Variants in ARHGAP42 observed in about 807,000 individuals in gnomAD.
ARHGAP42 encodes Rho GTPase activating protein 42, also known as rho GTPase-activating protein 42.
ARHGAP42 carries 63 observed loss-of-function variants against 125.0 expected under a neutral mutation model. The ratio of observed to expected loss-of-function variants is 0.50; its 90% CI spans 0.41 to 0.62. The LOEUF is 0.62. Among genes scored for constraint, ARHGAP42 ranks in the 20% least tolerant of loss-of-function variants. ARHGAP42 has a pLI of 0.00. For missense variants in ARHGAP42, 766 were observed against 1,024.2 expected (o/e 0.75, Z 3.44); for synonymous variants, 339 against 351.0 (o/e 0.97, Z 0.38).
At chr11:100,740,066 A>ATTTTTTTT (rs34223817) in intron 1 of ARHGAP42, among the ~76,000 whole-genome samples, 1 of 143,440 alleles carries the variant, frequency 7.0e-6, no homozygotes, top group African/African-American at 2.6e-5. Flanking sequence ...TATTAGTACA[A>ATTTTTTTT]TTTTTTTTTT....
intron 3 of ARHGAP42, among the ~76,000 whole-genome samples, chr11:100,836,953 G>GT (rs200517397): frequency 0.013 from 2,002 of 151,842 alleles, 18 homozygotes; most frequent in Middle Eastern, 0.041. Context: ...AATATTTTTG[G>GT]TTTTGGAAGC....
At chr11:100,849,169 T>C (rs1449237503) in intron 3 of ARHGAP42, among the ~76,000 whole-genome samples, 1 of 152,200 alleles carries the variant, frequency 6.6e-6, no homozygotes, top group Non-Finnish European at 1.5e-5. Context: ...AGTGTAATTT[T>C]TTTAATGTTG....
chr11:100,863,945 A>C (rs977811399), intron 4 of ARHGAP42, among the ~76,000 whole-genome samples: 3 of 152,186 alleles, frequency 2.0e-5, no homozygotes, highest in African/African-American at 7.2e-5. Flanking sequence ...CATTATGCAA[A>C]AGTAATGGCA....
At chr11:100,725,312 A>G (rs1434682519) in intron 1 of ARHGAP42, among the ~76,000 whole-genome samples, 2 of 151,740 alleles carry the variant, frequency 1.3e-5, no homozygotes, top group Non-Finnish European at 2.9e-5. Flanking sequence ...CTGGGATTAC[A>G]GGCGCACACC....
At chr11:100,967,997 C>A (rs1221628634) in intron 17 of ARHGAP42, among the ~76,000 whole-genome samples, 1 of 152,210 alleles carries the variant, frequency 6.6e-6, no homozygotes, top group Non-Finnish European at 1.5e-5. Flanking sequence ...ACTGGGATTA[C>A]AGGCATGAGC....
intron 21 of ARHGAP42, among the ~76,000 whole-genome samples, chr11:100,977,919 A>G (rs143863372): frequency 1.4e-4 from 21 of 152,298 alleles, no homozygotes; most frequent in Non-Finnish European, 1.6e-4. Flanking sequence ...GCCTGTTTCT[A>G]TAGGAACTGT....
intron 5 of ARHGAP42, among the ~76,000 whole-genome samples, chr11:100,917,835 T>C (rs1591293860): frequency 6.6e-6 from 1 of 152,118 alleles, no homozygotes; most frequent in African/African-American, 2.4e-5. Flanking sequence ...GCCTCCCAAA[T>C]TGCTGGGATT....
At chr11:100,691,813 C>T (rs61472500) in intron 1 of ARHGAP42, among the ~76,000 whole-genome samples, 41,919 of 152,056 alleles carry the variant, frequency 0.28, 6,079 homozygotes, top group African/African-American at 0.31. Flanking sequence ...TGTGAGCCAC[C>T]ATATCCAGTG....
At chr11:100,738,697 T>C (rs1476174957) in intron 1 of ARHGAP42, among the ~76,000 whole-genome samples, 3 of 152,242 alleles carry the variant, frequency 2.0e-5, no homozygotes, top group African/African-American at 7.2e-5. Flanking sequence ...AGAAGTACTA[T>C]TGCTGCTGAC....
chr11:100,986,170 A>C, intron 22 of ARHGAP42: 1 of 451,324 alleles, frequency 2.2e-6, no homozygotes, highest in South Asian at 1.6e-5. Flanking sequence ...CAATAATAAC[A>C]AAATACCAGA....
Position 100,840,876 on chromosome 11 carries a change from A to G in ARHGAP42, c.313-18678A>G, listed in dbSNP as rs180800461. Among the ~76,000 whole-genome samples the G allele has an allele frequency of 6.0e-4, 91 of 152,296 alleles. 1 individual carries two copies. Among genetic ancestry groups the G allele is most frequent in the East Asian group, 4.1e-3 (21 of 5,176 alleles). On this transcript the variant is annotated intron_variant, in intron 3 of 23. Transcript: ENST00000298815. ...TTACTTCAGGTCAGCTAGGTAAAAG[A>G]CACTATGTTAGTGCTGAGTCTGCTA...
intron 3 of ARHGAP42, among the ~76,000 whole-genome samples, chr11:100,853,730 A>G (rs1865258458): frequency 6.6e-6 from 1 of 152,158 alleles, no homozygotes; most frequent in Non-Finnish European, 1.5e-5. Context: ...TTATTTAAAA[A>G]ATAGCAAACT....
intron 1 of ARHGAP42, among the ~76,000 whole-genome samples, chr11:100,711,054 A>G (rs1861558273): frequency 6.6e-6 from 1 of 152,190 alleles, no homozygotes; most frequent in South Asian, 2.1e-4. Flanking sequence ...TTAGGTAACT[A>G]TTGAATAAAT....
intron 4 of ARHGAP42, among the ~76,000 whole-genome samples, chr11:100,904,296 T>A (rs1028998894): frequency 1.1e-4 from 17 of 151,668 alleles, no homozygotes; most frequent in Non-Finnish European, 1.0e-4. Context: ...CAGGCTGAAG[T>A]ACAGTGGTGT....
chr11:100,843,893 A>G (rs143970460), intron 3 of ARHGAP42, among the ~76,000 whole-genome samples: 1 of 152,304 alleles, frequency 6.6e-6, no homozygotes, highest in Admixed American at 6.5e-5. Flanking sequence ...CTACAAATTC[A>G]GTGCAATTCC....
intron 2 of ARHGAP42, among the ~76,000 whole-genome samples, chr11:100,792,852 A>G (rs1040829244): frequency 4.6e-5 from 7 of 150,686 alleles, no homozygotes; most frequent in Non-Finnish European, 7.4e-5. Context: ...TTCCGGGTTC[A>G]CGCCGTTCTC....
chr11:100,774,046 A>G (rs1413949091), intron 2 of ARHGAP42, among the ~76,000 whole-genome samples: 1 of 152,240 alleles, frequency 6.6e-6, no homozygotes, highest in Non-Finnish European at 1.5e-5. Context: ...TCCTGTAAAA[A>G]TATAGATATG....
intron 4 of ARHGAP42, among the ~76,000 whole-genome samples, chr11:100,875,997 T>TA (rs1865816830): frequency 6.6e-6 from 1 of 150,498 alleles, no homozygotes; most frequent in Non-Finnish European, 1.5e-5. Context: ...CCACAAAATA[T>TA]AAAATGCTTA....
chr11:100,977,777 A>C (rs999137775), intron 21 of ARHGAP42, among the ~76,000 whole-genome samples: 1 of 152,110 alleles, frequency 6.6e-6, no homozygotes, highest in Admixed American at 6.6e-5. Context: ...ATGCTTTTCT[A>C]CCGTTTCCAA....
Sources: gnomAD v4.1 joint callset for allele counts (sites outside exome capture counted in the v4.1 genomes callset) on GRCh38, gnomAD v4.1.1 for gene constraint, MANE v1.5 for transcripts, NCBI Gene and HGNC (gene_info 2026-07-23, HGNC 2026-07-21) for gene names.